Variants in GRIN2B observed in about 807,000 individuals in gnomAD.
GRIN2B encodes the protein glutamate receptor ionotropic, NMDA 2B.
Under a neutral mutation model 114.5 loss-of-function variants are expected in GRIN2B, and 5 were observed. The ratio of observed to expected loss-of-function variants is 0.04; its 90% CI spans 0.02 to 0.09. The LOEUF (loss-of-function observed/expected upper bound fraction) is 0.09. Among genes scored for constraint, GRIN2B ranks in the 10% least tolerant of loss-of-function variants. The pLI is 1.00. For synonymous variants in GRIN2B, 787 were observed against 745.1 expected, an observed-to-expected ratio of 1.06 and a Z score of -0.92; for missense variants, 1,108 against 1,943.5, an observed-to-expected ratio of 0.57 and a Z score of 8.08.
Position 13,907,125 on chromosome 12 carries a change from T to TAA in GRIN2B, c.-18-40901_-18-40900dup, listed in dbSNP as rs66669873. The stretch of plus-strand genomic sequence containing the variant: ...CATTCTAAATGTAAAGCAATCTAGA[T>TAA]AAAAAAAGTCTTTGCATAAACTCAT... On this transcript the variant is annotated intron_variant, in intron 2 of 13. Transcript: ENST00000609686. Among the ~76,000 whole-genome samples the TAA allele has an allele frequency of 6.7e-3, 1,018 of 152,034 alleles. 17 individuals carry two copies. Among genetic ancestry groups the TAA allele is most frequent in the African/African-American group, 0.023 (957 of 41,500 alleles).
chr12:13,947,212 T>C (rs1867377142), intron 2 of GRIN2B, among the ~76,000 whole-genome samples: 1 of 152,238 alleles, frequency 6.6e-6, no homozygotes, highest in Non-Finnish European at 1.5e-5. Context: ...TTTAGACCTG[T>C]TGCTTTTCCC....
intron 2 of GRIN2B, among the ~76,000 whole-genome samples, chr12:13,873,961 G>A (rs997252961): frequency 2.0e-5 from 3 of 152,152 alleles, no homozygotes; most frequent in African/African-American, 7.2e-5. Context: ...CAGGATAGAT[G>A]GGAGAGAGGG....
chr12:13,649,549 A>C (rs1009932204), intron 5 of GRIN2B, among the ~76,000 whole-genome samples: 13 of 152,106 alleles, frequency 8.5e-5, no homozygotes, highest in Non-Finnish European at 1.6e-4. Flanking sequence ...TGTGCATTTT[A>C]ACTCTTCGAG....
At chr12:13,922,236 G>A (rs960214223) in intron 2 of GRIN2B, among the ~76,000 whole-genome samples, 1 of 152,188 alleles carries the variant, frequency 6.6e-6, no homozygotes, top group Non-Finnish European at 1.5e-5. Context: ...GCACTAAAGT[G>A]CTTCAGCAGA....
intron 4 of GRIN2B, 140 bp from the exon 5 acceptor site, chr12:13,675,999 T>C: frequency 1.5e-6 from 1 of 663,568 alleles, no homozygotes; most frequent in Non-Finnish European, 2.8e-6. Context: ...ATTTGGTACT[T>C]CTTGAACTCG....
chr12:13,579,236 G>A (rs1565460671), intron 10 of GRIN2B, among the ~76,000 whole-genome samples: 1 of 152,210 alleles, frequency 6.6e-6, no homozygotes, highest in Admixed American at 6.5e-5. Context: ...ACAGGAGGTT[G>A]ACACAGCTGA....
At chr12:13,603,869 A>G (rs1242980556) in intron 10 of GRIN2B, among the ~76,000 whole-genome samples, 2 of 151,840 alleles carry the variant, frequency 1.3e-5, no homozygotes, top group African/African-American at 2.4e-5. Flanking sequence ...TCACTTGATA[A>G]TGTATAACTT....
rs1244869536 is a variant in GRIN2B at position 13,782,937 on chromosome 12, A to G, written c.412-29022T>C. On this transcript the variant is annotated intron_variant, in intron 3 of 13. Transcript: ENST00000609686. The stretch of plus-strand genomic sequence containing the variant: ...CTATCTAGTCTTCATGGGAATGGGG[A>G]TACACTGTGTAAACACCTGGAGCTC... 2.6e-5 allele frequency among the ~76,000 whole-genome samples: 4 copies of G among 152,336 alleles called. No individual in the cohort carries two copies. In the South Asian group the frequency reaches 6.2e-4, roughly 24 times the overall value.
At chr12:13,871,431 T>TAAGGTTAAATAACTATAAGGTTAAA (rs1865904999) in intron 2 of GRIN2B, among the ~76,000 whole-genome samples, 1 of 151,054 alleles carries the variant, frequency 6.6e-6, no homozygotes, top group Non-Finnish European at 1.5e-5. Flanking sequence ...AAGGAAATCA[T>TAAGGTTAAATAACTATAAGGTTAAA]AAGGGAAACT....
At chr12:13,946,744 G>A (rs1302249737) in intron 2 of GRIN2B, among the ~76,000 whole-genome samples, 1 of 151,982 alleles carries the variant, frequency 6.6e-6, no homozygotes, top group East Asian at 1.9e-4. Flanking sequence ...TACATTTTAT[G>A]ATATGTGTAT....
At chr12:13,847,227 C>T (rs1446428173) in intron 3 of GRIN2B, among the ~76,000 whole-genome samples, 1 of 152,076 alleles carries the variant, frequency 6.6e-6, no homozygotes, top group Non-Finnish European at 1.5e-5. Context: ...TATTATTATT[C>T]CTGATATCCC....
chr12:13,962,950 A>G (rs996819085), intron 2 of GRIN2B, among the ~76,000 whole-genome samples: 1 of 152,160 alleles, frequency 6.6e-6, no homozygotes, highest in African/African-American at 2.4e-5. Flanking sequence ...CTGTCAGAGA[A>G]GGCAGACCTC....
Position 13,562,536 on chromosome 12 carries a change from T to A in GRIN2B, c.*247A>T. The A allele has an allele frequency of 1.3e-5, 7 of 534,274 alleles. No individual in the cohort carries two copies. In the South Asian group the frequency reaches 1.6e-4, roughly 12 times the overall value. 33.1% of individuals were successfully genotyped at this position (534,274 alleles called of 1,614,324 possible). ...CCTGCTGAGAGGGCCCATGGCATCA[T>A]CTCATGGGAACAGGAATGGCTGACA... On this transcript the variant is annotated 3_prime_UTR_variant, in exon 14 of 14. Transcript: ENST00000609686.
chr12:13,783,887 T>C (rs994082869), intron 3 of GRIN2B, among the ~76,000 whole-genome samples: 2 of 152,072 alleles, frequency 1.3e-5, no homozygotes, highest in Admixed American at 6.5e-5. Flanking sequence ...ATTTGCACCT[T>C]AGCAGGTCAG....
chr12:13,836,666 G>T (rs1457061663), intron 3 of GRIN2B, among the ~76,000 whole-genome samples: 2 of 152,050 alleles, frequency 1.3e-5, no homozygotes, highest in Non-Finnish European at 2.9e-5. Flanking sequence ...TCTTTCAGAA[G>T]TCTCTCCCCT....
chr12:13,595,544 A>C (rs1397516909), intron 10 of GRIN2B, among the ~76,000 whole-genome samples: 1 of 152,224 alleles, frequency 6.6e-6, no homozygotes, highest in Non-Finnish European at 1.5e-5. Context: ...AAGTTGCACC[A>C]GGTAATGGTG....
chr12:13,734,180 T>G lies in GRIN2B; in HGVS notation c.1010+19137A>C, dbSNP rs570101666. On this transcript the variant is annotated intron_variant, in intron 4 of 13. Transcript: ENST00000609686. Reference sequence around the variant, plus strand: ...CACATGAGTAAAATGACCGAAATGATACTTGAAAAATACAAAATTCATAGT... The same window carrying G: ...CACATGAGTAAAATGACCGAAATGAGACTTGAAAAATACAAAATTCATAGT... Among the ~76,000 whole-genome samples the G allele has an allele frequency of 3.3e-5, 5 of 152,332 alleles. No individual in the cohort carries two copies. The East Asian group carries it at 9.6e-4, about 29-fold the overall frequency.
intron 3 of GRIN2B, among the ~76,000 whole-genome samples, chr12:13,862,478 C>T (rs141326325): frequency 1.3e-5 from 2 of 152,214 alleles, no homozygotes; most frequent in East Asian, 3.9e-4. Flanking sequence ...TATTGATCAT[C>T]CTTCAGACGA....
At chr12:13,722,994 A>AGCTACTGTCCAGCTG (rs1473081154) in intron 4 of GRIN2B, among the ~76,000 whole-genome samples, 123 of 152,084 alleles carry the variant, frequency 8.1e-4, no homozygotes, top group African/African-American at 2.9e-3. Flanking sequence ...CTGTCCAGCT[A>AGCTACTGTCCAGCTG]TAGCTTCTTG....
Sources: allele counts gnomAD v4.1 joint callset (sites outside exome capture counted in the v4.1 genomes callset), GRCh38; gene constraint gnomAD v4.1.1; transcripts MANE v1.5; gene names NCBI Gene and HGNC (gene_info 2026-07-23, HGNC 2026-07-21).